The following RAB7A variants were observed in gnomAD, a reference collection of about 807,000 sequenced individuals.
RAB7A encodes the protein ras-related protein Rab-7a.
A neutral mutation model predicts 24.5 loss-of-function variants in RAB7A; 2 were observed. The observed-to-expected ratio is 0.08, with a 90% confidence interval of 0.03 to 0.26. RAB7A has a LOEUF of 0.26. Ranked by LOEUF, RAB7A falls within the 10% of genes least tolerant of loss-of-function variation. The pLI, the probability that RAB7A is intolerant of heterozygous loss-of-function variation, is 1.00. For missense variants in RAB7A, 118 were observed against 255.7 expected (o/e 0.46, Z 3.67); for synonymous variants, 100 against 95.9 (o/e 1.04, Z -0.25).
At chr3:128,783,618 A>G (rs1014145172) in intron 1 of RAB7A, among the ~76,000 whole-genome samples, 1 of 152,088 alleles carries the variant, frequency 6.6e-6, no homozygotes, top group Non-Finnish European at 1.5e-5. Context: ...GCCTTGGTGG[A>G]TCTATGCCTT....
intron 1 of RAB7A, among the ~76,000 whole-genome samples, chr3:128,773,405 ACCC>A (rs1933000865): frequency 6.7e-6 from 1 of 148,552 alleles, no homozygotes; most frequent in African/African-American, 2.5e-5. Context: ...CCCGGCAGCC[ACCC>A]CGTCCGGGAG....
At position 128,766,184 on chromosome 3, in the gene RAB7A, C is replaced by T. The variant is rs571645403; in HGVS notation, c.-8-29176C>T. Among the ~76,000 whole-genome samples the T allele has an allele frequency of 3.9e-5, 6 of 152,326 alleles. No individual in the cohort carries two copies. The South Asian group carries it at 1.2e-3, about 32-fold the overall frequency. On this transcript the variant is annotated intron_variant, in intron 1 of 5. Coordinates refer to ENST00000265062, the MANE Select transcript of RAB7A (RefSeq NM_004637.6). ...AGATGTACACCAATGTAAAAATTAA[C>T]ATGAACTCTGATATGCTCCACTGAA...
intron 5 of RAB7A, among the ~76,000 whole-genome samples, chr3:128,813,054 T>G (rs1933958608): frequency 6.6e-6 from 1 of 152,234 alleles, no homozygotes; most frequent in Admixed American, 6.5e-5. Flanking sequence ...CTGTCCTGAT[T>G]GCTCAGTGCA....
intron 1 of RAB7A, among the ~76,000 whole-genome samples, chr3:128,776,402 C>G (rs1933087333): frequency 6.6e-6 from 1 of 152,116 alleles, no homozygotes; most frequent in Non-Finnish European, 1.5e-5. Flanking sequence ...CCAGCTGCCT[C>G]ATCCTCCCAA....
At chr3:128,780,634 CT>C (rs1327550283) in intron 1 of RAB7A, among the ~76,000 whole-genome samples, 5 of 152,168 alleles carry the variant, frequency 3.3e-5, no homozygotes, top group South Asian at 2.1e-4. Context: ...TGTTTACCCC[CT>C]AGCTCATGGT....
intron 1 of RAB7A, among the ~76,000 whole-genome samples, chr3:128,789,904 C>T (rs1933420007): frequency 1.3e-5 from 2 of 152,022 alleles, no homozygotes; most frequent in East Asian, 3.9e-4. Flanking sequence ...GATTCTCCTG[C>T]CTCAGCCTCC....
chr3:128,758,276 T>TG (rs1178236211), intron 1 of RAB7A, among the ~76,000 whole-genome samples: 1 of 146,824 alleles, frequency 6.8e-6, no homozygotes, highest in Non-Finnish European at 1.5e-5. Flanking sequence ...GTTTTTTTGT[T>TG]TTTTTTTTTT....
Position 128,814,042 on chromosome 3 carries a change from T to C in RAB7A, c.*620T>C, listed in dbSNP as rs1207326676. On this transcript the variant is annotated 3_prime_UTR_variant, in exon 6 of 6. Coordinates refer to ENST00000265062, the MANE Select transcript of RAB7A (RefSeq NM_004637.6). ...TTATGTAATGCTTCTTAGAAAAGAA[T>C]CTTATAGTACATGTTAATATATGCA... 1.9e-5 allele frequency: 3 copies of C among 159,724 alleles called. No homozygotes were observed. Among genetic ancestry groups the C allele is most frequent in the African/African-American group, 7.2e-5 (3 of 41,486 alleles). 9.9% of individuals were successfully genotyped at this position (159,724 alleles called of 1,614,324 possible). A position where few individuals can be genotyped will look rare whatever the true frequency, so the allele number is the denominator to read the frequency against.
In RAB7A at chr3:128,813,629, T is replaced by G; in HGVS notation, c.*207T>G. ...CACACACACACACACAGATCTGACG[T>G]AATCAAACTCCAGCCCTTGCCCGTG... On this transcript the variant is annotated 3_prime_UTR_variant, in exon 6 of 6. Coordinates refer to ENST00000265062, the MANE Select transcript of RAB7A (RefSeq NM_004637.6). 6.7e-6 allele frequency: 4 copies of G among 594,438 alleles called. No individual in the cohort carries two copies. The highest frequency in any genetic ancestry group is 9.3e-6 in the Non-Finnish European group (3 of 322,086). The allele number at this position is 594,438 out of a possible 1,614,324, so 36.8% of individuals were successfully genotyped here.
At chr3:128,751,047 TG>T (rs1025708418) in intron 1 of RAB7A, among the ~76,000 whole-genome samples, 3 of 152,202 alleles carry the variant, frequency 2.0e-5, no homozygotes, top group African/African-American at 7.2e-5. Flanking sequence ...AATTGAGGTT[TG>T]GGAACCTCTG....
intron 3 of RAB7A, among the ~76,000 whole-genome samples, chr3:128,803,604 G>GA (rs1491452352): frequency 1.3e-5 from 2 of 152,222 alleles, no homozygotes; most frequent in Non-Finnish European, 2.9e-5. Flanking sequence ...GAGTTGTAAT[G>GA]AGAGTTATCA....
chr3:128,804,418 T>C (rs1263093989), intron 3 of RAB7A, among the ~76,000 whole-genome samples: 1 of 152,240 alleles, frequency 6.6e-6, no homozygotes, highest in Non-Finnish European at 1.5e-5. Context: ...TAATACACTT[T>C]CACTTTCTCT....
At chr3:128,806,867 G>A (rs1490698298) in intron 4 of RAB7A, among the ~76,000 whole-genome samples, 5 of 152,234 alleles carry the variant, frequency 3.3e-5, no homozygotes, top group Admixed American at 6.5e-5. Flanking sequence ...GAGGGAATTC[G>A]GTTTTGTCAT....
intron 1 of RAB7A, among the ~76,000 whole-genome samples, chr3:128,794,406 A>G (rs1933524285): frequency 6.6e-6 from 1 of 152,224 alleles, no homozygotes; most frequent in South Asian, 2.1e-4. Context: ...TCATATAGCT[A>G]AATTAATAAG....
chr3:128,728,790 CAA>C (rs751418205), intron 1 of RAB7A, among the ~76,000 whole-genome samples: 1 of 152,246 alleles, frequency 6.6e-6, no homozygotes, highest in Non-Finnish European at 1.5e-5. Flanking sequence ...TTTGTTCACT[CAA>C]GAGGTAGTCC....
intron 1 of RAB7A, among the ~76,000 whole-genome samples, chr3:128,771,348 G>C (rs916718735): frequency 8.5e-5 from 13 of 152,188 alleles, no homozygotes; most frequent in African/African-American, 3.1e-4. Context: ...GACTAAAGTA[G>C]GTTCTGTAAT....
chr3:128,728,484 C>G (rs116369497), intron 1 of RAB7A, among the ~76,000 whole-genome samples: 1 of 152,080 alleles, frequency 6.6e-6, no homozygotes, highest in Non-Finnish European at 1.5e-5. Flanking sequence ...TATTTTGAGA[C>G]GGAGTTTCCC....
intron 5 of RAB7A, among the ~76,000 whole-genome samples, chr3:128,809,153 C>T (rs142502863): frequency 2.0e-4 from 31 of 152,360 alleles, no homozygotes; most frequent in African/African-American, 6.3e-4. Context: ...GAGTTTTTCT[C>T]TTCCATCACT....
intron 1 of RAB7A, among the ~76,000 whole-genome samples, chr3:128,773,330 A>G (rs1199195939): frequency 2.2e-5 from 3 of 139,506 alleles, no homozygotes; most frequent in South Asian, 4.9e-4. Context: ...CAGCCGCCCC[A>G]TCTGAGAAGT....
Sources: gnomAD v4.1 joint callset for allele counts (sites outside exome capture counted in the v4.1 genomes callset) on GRCh38, gnomAD v4.1.1 for gene constraint, MANE v1.5 for transcripts, NCBI Gene and HGNC (gene_info 2026-07-23, HGNC 2026-07-21) for gene names.